UBE2B: variants seen among roughly 807,000 people sequenced by gnomAD.
The protein encoded by UBE2B is ubiquitin conjugating enzyme E2 B, also known as ubiquitin-conjugating enzyme E2 B.
In UBE2B, 11 loss-of-function variants were observed where a neutral mutation model predicts 24.6. The observed-to-expected ratio is 0.45, with a 90% CI of 0.28 to 0.74. UBE2B has a LOEUF of 0.74. Ranked by LOEUF, UBE2B falls within the 30% of genes least tolerant of loss-of-function variation. UBE2B has a pLI of 0.13. For synonymous variants in UBE2B, 68 were observed against 62.4 expected, an observed-to-expected ratio of 1.09 and a Z score of -0.42; for missense variants, 78 against 185.6, an observed-to-expected ratio of 0.42 and a Z score of 3.37.
chr5:134,378,184 A>G (rs1331078959), intron 3 of UBE2B, among the ~76,000 whole-genome samples: 2 of 151,854 alleles, frequency 1.3e-5, no homozygotes, highest in East Asian at 3.9e-4. Context: ...AAAGTTACCA[A>G]TTTTTCTTAA....
rs191850871 is a variant in UBE2B, at chr5:134,384,655, C to A, written c.242-3670C>A. 1.7e-3 allele frequency among the ~76,000 whole-genome samples: 252 copies of A among 152,214 alleles called. 2 individuals are homozygous for A. The highest frequency in any genetic ancestry group is 5.8e-3 in the African/African-American group (240 of 41,544). On this transcript the variant is annotated intron_variant, in intron 4 of 5. Transcript: ENST00000265339. ...GGTTTCCCTTTTATTCTGCTGAGTA[C>A]TTTTTTATAATTTAACTTTCTGGTT...
At chr5:134,388,531 CTT>C in intron 5 of UBE2B, 118 bp downstream of exon 5, 1 of 910,446 alleles carries the variant, frequency 1.1e-6, no homozygotes, top group Non-Finnish European at 1.8e-6. Flanking sequence ...TTTCAGCTAA[CTT>C]TTCTCTTTCA....
chr5:134,378,700 A>G (rs1025428219), intron 3 of UBE2B, among the ~76,000 whole-genome samples: 2 of 152,120 alleles, frequency 1.3e-5, no homozygotes, highest in African/African-American at 4.8e-5. Context: ...TTCATGGAAC[A>G]TTTTTTACTT....
At chr5:134,372,167 A>G (rs546491493) in intron 1 of UBE2B, among the ~76,000 whole-genome samples, 54 of 152,106 alleles carry the variant, frequency 3.6e-4, no homozygotes, top group Middle Eastern at 3.4e-3. Flanking sequence ...CCGGAGGTTA[A>G]CCCATCCCCC....
chr5:134,384,678 G>A (rs1464589972), intron 4 of UBE2B, among the ~76,000 whole-genome samples: 1 of 151,840 alleles, frequency 6.6e-6, no homozygotes, highest in African/African-American at 2.4e-5. Flanking sequence ...TAACTTTCTG[G>A]TTTATTTTTT....
At position 134,390,152 on chromosome 5, in the gene UBE2B, A is replaced by G. The variant is rs1008427789; in HGVS notation, c.331-73A>G. On this transcript the variant is annotated intron_variant, in intron 5 of 5. Transcript: ENST00000265339. This position sits in a 1 kb window ranked among gnomAD's most constrained non-coding sequence, Gnocchi z 4.6. ...TTGTTTTGTATAACTTTTCTGTAAT[A>G]TATTCCATATCTGACCCCTGTTGGT... is the stretch of plus-strand genomic sequence containing the variant. 6.3e-7 allele frequency: 1 copy of G among 1,575,066 alleles called. No homozygotes were observed. The highest frequency in any genetic ancestry group is 1.3e-5 in the African/African-American group (1 of 74,380).
intron 1 of UBE2B, among the ~76,000 whole-genome samples, chr5:134,372,033 C>T (rs979915294): frequency 3.3e-5 from 5 of 152,238 alleles, no homozygotes; most frequent in Non-Finnish European, 7.3e-5. Flanking sequence ...TCCGGCAGCA[C>T]CAGTCAGCTT....
chr5:134,376,344 AAAAAAT>A lies in UBE2B; in HGVS notation c.126-323_126-318del, dbSNP rs1298617001. On this transcript the variant is annotated intron_variant, in intron 2 of 5. Transcript: ENST00000265339. ...TCTCAAAAAAAAAAAAAAAAAAAAA[AAAAAAT>A]ATATATATATATATACACATATGTA... Among the ~76,000 whole-genome samples, 16 of 6,940 alleles carry A rather than the reference AAAAAAT, an allele frequency of 2.3e-3. No individual in the cohort carries two copies. In the East Asian group the frequency reaches 0.028, roughly 12 times the overall value. The allele number at this position is 6,940 out of a possible 152,430, so 4.6% of individuals were successfully genotyped here. A position where few individuals can be genotyped will look rare whatever the true frequency, so the allele number is the denominator to read the frequency against.
chr5:134,373,250 T>C (rs1758524437), intron 1 of UBE2B, among the ~76,000 whole-genome samples: 1 of 152,046 alleles, frequency 6.6e-6, no homozygotes, highest in Non-Finnish European at 1.5e-5. Context: ...TGCTGCCTAA[T>C]ACTAGTTTCC....
At chr5:134,372,622 T>C (rs1316619867) in intron 1 of UBE2B, among the ~76,000 whole-genome samples, 1 of 152,186 alleles carries the variant, frequency 6.6e-6, no homozygotes, top group Non-Finnish European at 1.5e-5. Flanking sequence ...TCAGCTATTA[T>C]AAAGCCTATG....
intron 5 of UBE2B, chr5:134,388,947 T>A (rs1234527123): frequency 4.0e-4 from 1 of 2,490 alleles, no homozygotes; most frequent in African/African-American, 1.2e-3. Flanking sequence ...TCTTTAATTG[T>A]TTTTTTTTTT....
intron 4 of UBE2B, among the ~76,000 whole-genome samples, chr5:134,386,291 G>A (rs1236745097): frequency 6.6e-6 from 1 of 150,614 alleles, no homozygotes; most frequent in African/African-American, 2.4e-5. Flanking sequence ...TCTCACCACT[G>A]CACTCCAGCC....
At chr5:134,380,602 A>G in intron 3 of UBE2B, 117 bp from the exon 4 acceptor site, 1 of 664,264 alleles carries the variant, frequency 1.5e-6, no homozygotes, top group Non-Finnish European at 2.8e-6. Context: ...ATGCCGAACC[A>G]ACGTTGACAT....
At chr5:134,388,480 C>A in intron 5 of UBE2B, 67 bp downstream of exon 5, 1 of 1,391,892 alleles carries the variant, frequency 7.2e-7, no homozygotes, top group Non-Finnish European at 1.0e-6. Context: ...CTCCTTAGCA[C>A]ACAGGTAACC....
rs776983331 is a variant in UBE2B, at chr5:134,371,616, G to A, written c.21G>A (p.Arg7=). MSTPAR[R]RLMRDFKRLQ... ...GGAGCATGTCGACCCCGGCCCGGAG[G>A]AGGCTCATGCGGGATTTCAAGCGGT... The change falls in exon 1 of 6, where the codon AGG becomes AGA. Residue 7 remains arginine (R), a synonymous_variant. Coordinates refer to ENST00000265339, the MANE Select transcript of UBE2B (RefSeq NM_003337.4). 10 of 1,613,256 alleles carry A rather than the reference G, an allele frequency of 6.2e-6. No individual in the cohort carries two copies. Among genetic ancestry groups the A allele is most frequent in the Non-Finnish European group, 6.8e-6 (8 of 1,179,876 alleles).
intron 5 of UBE2B, chr5:134,388,861 G>A (rs1758851257): frequency 1.9e-5 from 6 of 320,558 alleles, no homozygotes; most frequent in Middle Eastern, 1.2e-3. Context: ...GGGGTGTTTC[G>A]GTTTTGTGGA....
intron 2 of UBE2B, among the ~76,000 whole-genome samples, chr5:134,375,697 G>C (rs567296688): frequency 4.6e-5 from 7 of 151,546 alleles, no homozygotes; most frequent in Admixed American, 6.6e-5. Context: ...TACTCGGGAG[G>C]CTGAGGCAGG....
intron 4 of UBE2B, among the ~76,000 whole-genome samples, chr5:134,387,272 G>A (rs977737440): frequency 6.6e-6 from 1 of 152,012 alleles, no homozygotes; most frequent in African/African-American, 2.4e-5. Context: ...ACTCTTATAA[G>A]TAGTATTATA....
intron 5 of UBE2B, among the ~76,000 whole-genome samples, chr5:134,389,376 A>G (rs1433214704): frequency 6.6e-6 from 1 of 152,194 alleles, no homozygotes; most frequent in Non-Finnish European, 1.5e-5. Context: ...GACATTTGCA[A>G]AGTAACTGCA....
Sources: gnomAD v4.1 joint callset for allele counts (sites outside exome capture counted in the v4.1 genomes callset) on GRCh38, gnomAD v4.1.1 for gene constraint, Gnocchi (gnomAD v3.1) non-coding constraint, MANE v1.5 for transcripts, NCBI Gene and HGNC (gene_info 2026-07-23, HGNC 2026-07-21) for gene names.